The following STXBP6 variants were observed in gnomAD, a reference collection of about 807,000 sequenced individuals.
The protein encoded by STXBP6 is syntaxin binding protein 6.
Under a neutral mutation model 26.9 loss-of-function variants are expected in STXBP6, and 21 were observed. The observed-to-expected ratio is 0.78, with a 90% confidence interval of 0.55 to 1.12. STXBP6 has a LOEUF of 1.12. STXBP6 is among the 50% of genes most tolerant of loss of function. The pLI is 0.00. For missense variants in STXBP6, 232 were observed against 257.9 expected (o/e 0.90, Z 0.69); for synonymous variants, 97 against 92.6 (o/e 1.05, Z -0.27).
chr14:24,933,566 T>G (rs28491961), intron 2 of STXBP6, among the ~76,000 whole-genome samples: 89,832 of 151,880 alleles, frequency 0.59, 27,525 homozygotes, highest in Middle Eastern at 0.7. Flanking sequence ...ATTATTGTTG[T>G]TATTGTAATT....
chr14:24,960,325 C>A (rs779833404), intron 2 of STXBP6, among the ~76,000 whole-genome samples: 8 of 152,182 alleles, frequency 5.3e-5, no homozygotes, highest in Non-Finnish European at 1.0e-4. Context: ...AAGGTTTCTA[C>A]CTCTTAGGAC....
At chr14:24,818,815 C>T (rs2068055539) in intron 5 of STXBP6, among the ~76,000 whole-genome samples, 1 of 152,078 alleles carries the variant, frequency 6.6e-6, no homozygotes, top group Admixed American at 6.6e-5. Context: ...GTCAGAAGGT[C>T]AGAGATACGG....
intron 2 of STXBP6, among the ~76,000 whole-genome samples, chr14:24,866,224 T>C (rs1364847781): frequency 1.3e-5 from 2 of 152,140 alleles, no homozygotes; most frequent in African/African-American, 2.4e-5. Flanking sequence ...TAGAAGGCCT[T>C]TGGACTTGTA....
At chr14:24,918,480 AC>A (rs1595108353) in intron 2 of STXBP6, among the ~76,000 whole-genome samples, 2 of 141,998 alleles carry the variant, frequency 1.4e-5, no homozygotes, top group South Asian at 2.2e-4. Flanking sequence ...ACACACACAC[AC>A]ACACACACAC....
chr14:24,821,941 A>C (rs1406562747), intron 4 of STXBP6, among the ~76,000 whole-genome samples: 1 of 152,058 alleles, frequency 6.6e-6, no homozygotes, highest in African/African-American at 2.4e-5. Context: ...CTCAAACTGT[A>C]ATCCCAGGGT....
chr14:24,906,170 G>A (rs1315323534), intron 2 of STXBP6, among the ~76,000 whole-genome samples: 1 of 152,012 alleles, frequency 6.6e-6, no homozygotes, highest in East Asian at 1.9e-4. Flanking sequence ...GTCTTAGAAT[G>A]CTCTCTATTT....
At chr14:24,992,150 T>C (rs2074490044) in intron 1 of STXBP6, among the ~76,000 whole-genome samples, 1 of 152,224 alleles carries the variant, frequency 6.6e-6, no homozygotes, top group Non-Finnish European at 1.5e-5. Context: ...CTCCATATTA[T>C]GGAGCTGAAA....
chr14:24,905,900 T>C (rs1342249863), intron 2 of STXBP6, among the ~76,000 whole-genome samples: 2 of 152,132 alleles, frequency 1.3e-5, no homozygotes, highest in Non-Finnish European at 2.9e-5. Flanking sequence ...CAAGATATAA[T>C]GGGAGATAAA....
intron 1 of STXBP6, among the ~76,000 whole-genome samples, chr14:25,046,146 G>C (rs547326463): frequency 1.3e-5 from 2 of 152,272 alleles, no homozygotes; most frequent in South Asian, 4.1e-4. Context: ...TTATTAAAGG[G>C]AGCAAAGATA....
chr14:24,984,951 A>C (rs2140255620), intron 1 of STXBP6, among the ~76,000 whole-genome samples: 1 of 152,326 alleles, frequency 6.6e-6, no homozygotes, highest in Non-Finnish European at 1.5e-5. Flanking sequence ...AAGGTACGGA[A>C]AGGTGAGGCT....
At chr14:25,008,185 T>A (rs939103502) in intron 1 of STXBP6, among the ~76,000 whole-genome samples, 16 of 152,368 alleles carry the variant, frequency 1.1e-4, no homozygotes, top group South Asian at 2.1e-4. Flanking sequence ...AATTCATTTT[T>A]AAAAATTTTT....
chr14:24,838,747 G>T (rs1209219315), intron 4 of STXBP6, among the ~76,000 whole-genome samples: 1 of 151,900 alleles, frequency 6.6e-6, no homozygotes, highest in Non-Finnish European at 1.5e-5. Flanking sequence ...GTCTTATTAA[G>T]CACCTAGAGG....
intron 4 of STXBP6, among the ~76,000 whole-genome samples, chr14:24,852,365 C>T (rs190108046): frequency 7.7e-4 from 118 of 152,260 alleles, no homozygotes; most frequent in Non-Finnish European, 1.5e-3. Flanking sequence ...AGCAATCTCA[C>T]ACGTCTACGC....
chr14:24,997,444 C>A (rs530926074), intron 1 of STXBP6, among the ~76,000 whole-genome samples: 2 of 152,150 alleles, frequency 1.3e-5, no homozygotes, highest in Non-Finnish European at 2.9e-5. Context: ...CTCAATCAAA[C>A]GAATCCTTAT....
chr14:25,047,370 C>T (rs1300438300), intron 1 of STXBP6, among the ~76,000 whole-genome samples: 1 of 152,132 alleles, frequency 6.6e-6, no homozygotes, highest in Non-Finnish European at 1.5e-5. Context: ...GTGGCACAGG[C>T]ATTGGAACAT....
In STXBP6 at chr14:24,932,473, T is replaced by C. The variant is rs142615489; in HGVS notation, c.154+42192A>G. On this transcript the variant is annotated intron_variant, in intron 2 of 5. Coordinates refer to ENST00000323944, the MANE Select transcript of STXBP6 (RefSeq NM_001394410.1). Reference sequence around the variant, plus strand: ...CAGTTTAAGGTGCAGTGAGGTATGATTGCGCCATTGCACTGCAGCCTGGAT... The same window carrying C: ...CAGTTTAAGGTGCAGTGAGGTATGACTGCGCCATTGCACTGCAGCCTGGAT... Among the ~76,000 whole-genome samples the C allele has an allele frequency of 3.1e-3, 478 of 152,248 alleles. 2 individuals carry two copies. Among genetic ancestry groups the C allele is most frequent in the African/African-American group, 0.011 (449 of 41,536 alleles).
intron 4 of STXBP6, among the ~76,000 whole-genome samples, chr14:24,836,606 C>CAAAAAAAAA (rs71449215): frequency 1.1e-4 from 5 of 44,292 alleles, no homozygotes; most frequent in East Asian, 5.3e-4. Flanking sequence ...GACTCCCTCT[C>CAAAAAAAAA]AAAAAAAAAA....
chr14:24,818,898 G>A (rs899883166), intron 5 of STXBP6, 139 bp downstream of exon 5: 6 of 1,163,102 alleles, frequency 5.2e-6, no homozygotes, highest in Non-Finnish European at 7.0e-6. Context: ...TGTTTAGTAA[G>A]TAGCAGATGG....
intron 2 of STXBP6, among the ~76,000 whole-genome samples, chr14:24,963,647 T>A (rs1476521265): frequency 6.6e-6 from 1 of 152,142 alleles, no homozygotes; most frequent in Non-Finnish European, 1.5e-5. Flanking sequence ...AAAGGGCATC[T>A]GGGGAAAGCT....
Sources: gnomAD v4.1 joint callset for allele counts (sites outside exome capture counted in the v4.1 genomes callset) on GRCh38, gnomAD v4.1.1 for gene constraint, MANE v1.5 for transcripts, NCBI Gene and HGNC (gene_info 2026-07-23, HGNC 2026-07-21) for gene names.